TRPM8: variants seen among roughly 807,000 people sequenced by gnomAD.
TRPM8 encodes the protein TRPM8 cationic channel.
Under a neutral mutation model 133.7 loss-of-function variants are expected in TRPM8, and 110 were observed. The ratio of observed to expected loss-of-function variants is 0.82; its 90% CI spans 0.70 to 0.96. TRPM8 has a LOEUF of 0.96. TRPM8 is among the 40% of genes least tolerant of loss of function. The pLI, the probability that TRPM8 is intolerant of heterozygous loss-of-function variation, is 0.00. For synonymous variants in TRPM8, 535 were observed against 532.3 expected, an observed-to-expected ratio of 1.01 and a Z score of -0.07; for missense variants, 1,291 against 1,379.5, an observed-to-expected ratio of 0.94 and a Z score of 1.02.
In TRPM8 at chr2:233,947,166, A is replaced by T; in HGVS notation, c.942+11A>T. 1 of 1,613,844 alleles carries T rather than the reference A, an allele frequency of 6.2e-7. No individual in the cohort carries two copies. Among genetic ancestry groups the T allele is most frequent in the Non-Finnish European group, 8.5e-7 (1 of 1,179,764 alleles). On this transcript the variant is annotated intron_variant, in intron 8 of 25. Coordinates refer to ENST00000324695, the MANE Select transcript of TRPM8 (RefSeq NM_024080.5). The stretch of plus-strand genomic sequence containing the variant: ...AAAGAGACTTTGAAAGTGAGTCCTG[A>T]TTTAGTTTTCTAGAAGGTTGGCTAA...
intron 8 of TRPM8, among the ~76,000 whole-genome samples, chr2:233,947,951 TG>T (rs1437448917): frequency 1.3e-5 from 2 of 152,216 alleles, no homozygotes; most frequent in African/African-American, 4.8e-5. Flanking sequence ...AAAAAGTTAG[TG>T]TGACTACATT....
At chr2:233,978,001 A>G (rs546658070) in intron 17 of TRPM8, among the ~76,000 whole-genome samples, 3 of 152,310 alleles carry the variant, frequency 2.0e-5, no homozygotes, top group East Asian at 1.9e-4. Flanking sequence ...CTTCATGCCC[A>G]TAAAGATATG....
intron 17 of TRPM8, among the ~76,000 whole-genome samples, chr2:233,976,295 A>G (rs759707917): frequency 4.6e-5 from 7 of 152,224 alleles, no homozygotes; most frequent in African/African-American, 9.6e-5. Context: ...CGAAGTCTGT[A>G]AATCACAGAC....
intron 24 of TRPM8, among the ~76,000 whole-genome samples, chr2:234,012,641 A>G (rs1692870914): frequency 6.6e-6 from 1 of 151,926 alleles, no homozygotes; most frequent in Non-Finnish European, 1.5e-5. Context: ...TTGTCATGCT[A>G]TGTTAAATAG....
intron 22 of TRPM8, among the ~76,000 whole-genome samples, chr2:234,001,581 G>T (rs1692564688): frequency 6.6e-6 from 1 of 152,224 alleles, no homozygotes; most frequent in African/African-American, 2.4e-5. Context: ...ATCTAAATTG[G>T]AAAATTGAGT....
Position 233,955,156 on chromosome 2 carries a change from A to G in TRPM8, c.1268A>G (p.Lys423Arg). Residue 423 changes from lysine (K) to arginine (R), a missense_variant, in exon 11 of 26, where the codon AAG becomes AGG. Transcript: ENST00000324695. ...GCCTTCAGCACCAGTGAGCAAGACA[A>G]GGATAACTGGAATGGGCAGCTGAAG... ...YKAFSTSEQD[K>R]DNWNGQLKLL... 2.5e-6 allele frequency: 4 copies of G among 1,614,076 alleles called. No homozygotes were observed. The highest frequency in any genetic ancestry group is 3.4e-6 in the Non-Finnish European group (4 of 1,179,946).
intron 24 of TRPM8, among the ~76,000 whole-genome samples, chr2:234,012,565 TTTC>T (rs1407437377): frequency 2.0e-5 from 3 of 152,134 alleles, no homozygotes; most frequent in Non-Finnish European, 4.4e-5. Flanking sequence ...ATAATTTTAC[TTTC>T]TTCTTTGTTA....
At chr2:234,004,600 T>C (rs934817319) in intron 22 of TRPM8, among the ~76,000 whole-genome samples, 2 of 152,242 alleles carry the variant, frequency 1.3e-5, no homozygotes, top group African/African-American at 4.8e-5. Flanking sequence ...CTTTTGGTAC[T>C]TTTTTTGGTG....
chr2:233,940,097 G>A (rs1574704310), intron 5 of TRPM8, among the ~76,000 whole-genome samples: 4 of 112,676 alleles, frequency 3.6e-5, no homozygotes, highest in South Asian at 5.8e-4. Context: ...GCCTTTCCTT[G>A]TCTTTCATTA....
rs566767210 is a variant in TRPM8 at position 234,007,067 on chromosome 2, T to C, written c.3230+115T>C. On this transcript the variant is annotated intron_variant, in intron 23 of 25. Coordinates refer to ENST00000324695, the MANE Select transcript of TRPM8 (RefSeq NM_024080.5). Reference sequence around the variant, plus strand: ...AAAGAGCATTTTCAACAGAGAATAATACCACCACAAAGATATTACCCGGGC... The same window carrying C: ...AAAGAGCATTTTCAACAGAGAATAACACCACCACAAAGATATTACCCGGGC... 44 of 676,098 alleles carry C rather than the reference T, an allele frequency of 6.5e-5. No homozygotes were observed. The South Asian group carries it at 7.7e-4, about 12-fold the overall frequency. The allele number at this position is 676,098 out of a possible 1,614,324, so 41.9% of individuals were successfully genotyped here.
chr2:233,968,844 A>G (rs1205089511), intron 15 of TRPM8, among the ~76,000 whole-genome samples: 1 of 152,012 alleles, frequency 6.6e-6, no homozygotes, highest in African/African-American at 2.4e-5. Context: ...TTCTGTCCCA[A>G]CGTCAAGGGT....
At chr2:233,952,972 G>A (rs1318403157) in intron 9 of TRPM8, among the ~76,000 whole-genome samples, 13 of 152,240 alleles carry the variant, frequency 8.5e-5, no homozygotes, top group Admixed American at 7.8e-4. Flanking sequence ...TCTGAACAAA[G>A]GCTGCAGACA....
chr2:233,919,045 T>C (rs953713760), intron 1 of TRPM8, among the ~76,000 whole-genome samples: 1 of 140,248 alleles, frequency 7.1e-6, no homozygotes, highest in African/African-American at 3.1e-5. Flanking sequence ...CCCCACCCCA[T>C]TTTTTTTTTA....
intron 1 of TRPM8, among the ~76,000 whole-genome samples, chr2:233,921,966 C>T (rs1432190361): frequency 5.9e-5 from 9 of 151,796 alleles, no homozygotes; most frequent in Admixed American, 5.9e-4. Flanking sequence ...AGCCACCATG[C>T]CCGGCCAGAA....
chr2:234,014,103 T>TTA (rs1412516444), intron 24 of TRPM8, among the ~76,000 whole-genome samples: 1 of 152,194 alleles, frequency 6.6e-6, no homozygotes, highest in African/African-American at 2.4e-5. Context: ...TCTGCTGTTT[T>TTA]TGTGTGTGTG....
At chr2:233,921,528 G>T (rs771848881) in intron 1 of TRPM8, among the ~76,000 whole-genome samples, 4 of 152,172 alleles carry the variant, frequency 2.6e-5, no homozygotes, top group Non-Finnish European at 5.9e-5. Context: ...CCAGACAGCA[G>T]AATGACAGCA....
chr2:233,972,325 C>T (rs982852830), intron 17 of TRPM8, among the ~76,000 whole-genome samples: 6 of 152,236 alleles, frequency 3.9e-5, no homozygotes, highest in Non-Finnish European at 7.3e-5. Context: ...TACAGAGTGA[C>T]GATTGGTGTA....
At chr2:233,960,727 A>C in intron 11 of TRPM8, 49 bp from the exon 12 acceptor site, 1 of 1,514,456 alleles carries the variant, frequency 6.6e-7, no homozygotes, top group South Asian at 1.2e-5. Flanking sequence ...TGCTTTCCTT[A>C]CCATATTTTT....
intron 21 of TRPM8, among the ~76,000 whole-genome samples, chr2:233,995,994 C>T (rs2125347890): frequency 1.3e-5 from 2 of 151,148 alleles, no homozygotes; most frequent in Middle Eastern, 6.8e-3. Context: ...TCTTGGACCA[C>T]TTTGTATCTA....
Sources: allele counts gnomAD v4.1 joint callset (sites outside exome capture counted in the v4.1 genomes callset), GRCh38; gene constraint gnomAD v4.1.1; transcripts MANE v1.5; gene names NCBI Gene and HGNC (gene_info 2026-07-23, HGNC 2026-07-21).